The following GABRB1 variants were observed in gnomAD, a reference collection of about 807,000 sequenced individuals.
GABRB1 encodes gamma-aminobutyric acid receptor subunit beta-1.
A neutral mutation model predicts 51.6 loss-of-function variants in GABRB1; 17 were observed. The observed-to-expected ratio is 0.33, with a 90% CI of 0.23 to 0.49. GABRB1 has a LOEUF of 0.49. GABRB1 is among the 20% of genes least tolerant of loss of function. GABRB1 has a pLI of 0.99. For synonymous variants in GABRB1, 247 were observed against 218.9 expected, an observed-to-expected ratio of 1.13 and a Z score of -1.14; for missense variants, 410 against 600.6, an observed-to-expected ratio of 0.68 and a Z score of 3.32.
At chr4:47,015,808 A>T (rs1315503395) in intron 1 of GABRB1, among the ~76,000 whole-genome samples, 1 of 152,186 alleles carries the variant, frequency 6.6e-6, no homozygotes, top group African/African-American at 2.4e-5. Flanking sequence ...ATATTTATTC[A>T]TTTTGTTCTT....
In GABRB1 at chr4:47,418,819, A is replaced by C. The variant is rs1056990666; in HGVS notation, c.1081-6855A>C. Reference sequence around the variant, plus strand: ...GAGGATCAAGAGTTCTGCTCTGGCAATTTTGAGATGTAGATGCCTCTAAAC... The same window carrying C: ...GAGGATCAAGAGTTCTGCTCTGGCACTTTTGAGATGTAGATGCCTCTAAAC... On this transcript the variant is annotated intron_variant, in intron 8 of 8. Coordinates refer to ENST00000295454, the MANE Select transcript of GABRB1 (RefSeq NM_000812.4). 5.3e-5 allele frequency among the ~76,000 whole-genome samples: 8 copies of C among 152,180 alleles called. No homozygotes were observed. The South Asian group carries it at 1.7e-3, about 32-fold the overall frequency.
intron 5 of GABRB1, among the ~76,000 whole-genome samples, chr4:47,371,226 C>T (rs187612180): frequency 6.6e-6 from 1 of 152,008 alleles, no homozygotes; most frequent in East Asian, 1.9e-4. Flanking sequence ...CTGAGGATAA[C>T]GGCTTCCAGT....
chr4:47,032,370 C>G (rs773835837), intron 2 of GABRB1, 47 bp from the exon 3 acceptor site: 2 of 1,506,276 alleles, frequency 1.3e-6, no homozygotes, highest in Non-Finnish European at 1.8e-6. Context: ...CCCCAGCCTG[C>G]TGTCACTGAG....
At chr4:47,368,497 C>T (rs982845751) in intron 5 of GABRB1, among the ~76,000 whole-genome samples, 4 of 152,150 alleles carry the variant, frequency 2.6e-5, no homozygotes, top group African/African-American at 9.7e-5. Context: ...TCATACCATG[C>T]ACAGGATAGC....
At chr4:47,047,447 A>G (rs1431380087) in intron 3 of GABRB1, among the ~76,000 whole-genome samples, 3 of 152,156 alleles carry the variant, frequency 2.0e-5, no homozygotes, top group African/African-American at 7.2e-5. Context: ...AAAAAAATTA[A>G]GTAACTTGCC....
intron 3 of GABRB1, chr4:47,032,814 G>A: frequency 2.0e-6 from 1 of 511,168 alleles, no homozygotes; most frequent in Middle Eastern, 3.0e-4. Context: ...GGCACCATCT[G>A]CTGGCAGCCG....
intron 3 of GABRB1, among the ~76,000 whole-genome samples, chr4:47,116,209 T>C (rs903043652): frequency 6.6e-6 from 1 of 152,318 alleles, no homozygotes; most frequent in East Asian, 1.9e-4. Flanking sequence ...GATCCATAAA[T>C]AAGGTTTGAT....
chr4:47,231,945 T>A (rs556012327), intron 4 of GABRB1, among the ~76,000 whole-genome samples: 2 of 152,340 alleles, frequency 1.3e-5, no homozygotes, highest in East Asian at 3.9e-4. Context: ...TGTATCCAAG[T>A]AGCGTTAAGC....
At chr4:47,415,282 C>A (rs1728874763) in intron 8 of GABRB1, among the ~76,000 whole-genome samples, 2 of 152,186 alleles carry the variant, frequency 1.3e-5, no homozygotes. Flanking sequence ...GTCCTAGTTT[C>A]ACATGTGCTG....
At chr4:47,381,307 G>A (rs1727588505) in intron 5 of GABRB1, among the ~76,000 whole-genome samples, 1 of 152,098 alleles carries the variant, frequency 6.6e-6, no homozygotes, top group East Asian at 1.9e-4. Context: ...ACTGGTGACT[G>A]GGCATTTTGT....
intron 3 of GABRB1, among the ~76,000 whole-genome samples, chr4:47,053,632 A>G (rs369317176): frequency 1.3e-5 from 2 of 152,206 alleles, no homozygotes; most frequent in Non-Finnish European, 2.9e-5. Context: ...ACCACCTAAC[A>G]TTAGCCAACC....
chr4:47,424,018 G>GGTA (rs1333317766), intron 8 of GABRB1, among the ~76,000 whole-genome samples: 1 of 152,130 alleles, frequency 6.6e-6, no homozygotes. Context: ...AGGGCATGTG[G>GGTA]GTAGCCCAAT....
At chr4:47,288,716 T>C (rs1410081107) in intron 4 of GABRB1, among the ~76,000 whole-genome samples, 1 of 152,188 alleles carries the variant, frequency 6.6e-6, no homozygotes, top group Non-Finnish European at 1.5e-5. Context: ...TCCTAGTCTT[T>C]CAAGGCAATT....
At chr4:47,052,748 G>A (rs566549663) in intron 3 of GABRB1, among the ~76,000 whole-genome samples, 9 of 152,174 alleles carry the variant, frequency 5.9e-5, no homozygotes, top group Middle Eastern at 3.4e-3. Flanking sequence ...TTTCCTCCCC[G>A]ACTGTAGCAT....
chr4:47,018,301 G>A (rs938191327), intron 1 of GABRB1, among the ~76,000 whole-genome samples: 16 of 151,362 alleles, frequency 1.1e-4, no homozygotes, highest in African/African-American at 1.5e-4. Flanking sequence ...AGCCTCCCAC[G>A]TCAGCCTCCC....
intron 4 of GABRB1, among the ~76,000 whole-genome samples, chr4:47,161,838 T>C (rs1474923608): frequency 6.6e-6 from 1 of 152,060 alleles, no homozygotes; most frequent in Non-Finnish European, 1.5e-5. Flanking sequence ...TGTTTCAGAG[T>C]GTTCATAAGC....
At chr4:47,261,649 A>G (rs560762235) in intron 4 of GABRB1, among the ~76,000 whole-genome samples, 240 of 152,134 alleles carry the variant, frequency 1.6e-3, no homozygotes, top group African/African-American at 5.5e-3. Flanking sequence ...TGCCATCCCC[A>G]TCAAGCTACC....
At chr4:47,090,765 T>C (rs755325013) in intron 3 of GABRB1, among the ~76,000 whole-genome samples, 2 of 152,198 alleles carry the variant, frequency 1.3e-5, no homozygotes, top group Non-Finnish European at 2.9e-5. Flanking sequence ...TATGGACCAG[T>C]GCAGCATAGA....
intron 1 of GABRB1, among the ~76,000 whole-genome samples, chr4:47,001,755 T>A (rs189649753): frequency 4.7e-4 from 71 of 152,348 alleles, no homozygotes; most frequent in African/African-American, 1.5e-3. Flanking sequence ...GAATAATCTA[T>A]ACTCTATCGG....
Sources: allele counts gnomAD v4.1 joint callset (sites outside exome capture counted in the v4.1 genomes callset), GRCh38; gene constraint gnomAD v4.1.1; transcripts MANE v1.5; gene names NCBI Gene and HGNC (gene_info 2026-07-23, HGNC 2026-07-21).